TRIM66: variants seen among roughly 807,000 people sequenced by gnomAD.
TRIM66 encodes the protein tripartite motif-containing protein 66.
A neutral mutation model predicts 148.2 loss-of-function variants in TRIM66; 99 were observed. That is an observed-to-expected ratio of 0.67 (90% CI 0.57 to 0.79). The LOEUF is 0.79. TRIM66 is among the 30% of genes least tolerant of loss of function. The pLI is 0.00. For synonymous variants in TRIM66, 616 were observed against 635.9 expected, an observed-to-expected ratio of 0.97 and a Z score of 0.47; for missense variants, 1,666 against 1,697.9, an observed-to-expected ratio of 0.98 and a Z score of 0.33.
chr11:8,642,843 CAAAAAAAAAAAAA>C (rs60432547), intron 13 of TRIM66, among the ~76,000 whole-genome samples, 153 bp downstream of exon 13: 3 of 73,234 alleles, frequency 4.1e-5, no homozygotes, highest in South Asian at 7.0e-4. Flanking sequence ...TCTTCCCCCT[CAAAAAAAAAAAAA>C]AAAAAAAAAA....
intron 18 of TRIM66, among the ~76,000 whole-genome samples, chr11:8,622,281 A>G (rs745895480): frequency 1.3e-4 from 18 of 141,558 alleles, no homozygotes; most frequent in Non-Finnish European, 2.1e-4. Flanking sequence ...ATAAACTTCC[A>G]TATATATATG....
At chr11:8,667,073 C>T (rs1487800544) in intron 6 of TRIM66, among the ~76,000 whole-genome samples, 1 of 152,132 alleles carries the variant, frequency 6.6e-6, no homozygotes, top group Non-Finnish European at 1.5e-5. Flanking sequence ...CTGCCTTGGC[C>T]TCTCAAAGTG....
rs1342555852 is a variant in TRIM66 at position 8,671,577 on chromosome 11, C to A, written c.340+209G>T. On this transcript the variant is annotated intron_variant, in intron 6 of 24. Transcript: ENST00000646038. Reference sequence around the variant, plus strand: ...GCCACCAATTTAAGGAAATCCCAAACATGAAAAGTTCCAGCTTACAAAACA... The same window carrying A: ...GCCACCAATTTAAGGAAATCCCAAAAATGAAAAGTTCCAGCTTACAAAACA... Among the ~76,000 whole-genome samples the A allele has an allele frequency of 7.2e-5, 11 of 152,212 alleles. No homozygotes were observed. In the East Asian group the frequency reaches 2.1e-3, roughly 29 times the overall value.
rs1230597027 is a variant in TRIM66, at chr11:8,640,520, G to C, written c.1855C>G (p.Pro619Ala). The C allele has an allele frequency of 6.5e-7, 1 of 1,540,818 alleles. No individual in the cohort carries two copies. The highest frequency in any genetic ancestry group is 8.8e-7 in the Non-Finnish European group (1 of 1,142,766). The change falls in exon 14 of 25, where the codon CCC becomes GCC. Residue 619 changes from proline to alanine, a missense_variant. Around this residue, in one of 3 missense-constraint regions of TRIM66, gnomAD observed 1,431 missense variants for 1,412.4 expected, o/e 1.01. Transcript: ENST00000646038. ...LPHPPPPLPP[P>A]PQQPHPPLPP... ...AGAGGTGGGTGTGGCTGCTGTGGGG[G>C]AGGGGGAAGGGGAGGTGGGGGATGG...
At chr11:8,665,286 A>T (rs1191229814) in intron 6 of TRIM66, among the ~76,000 whole-genome samples, 2 of 152,216 alleles carry the variant, frequency 1.3e-5, no homozygotes, top group African/African-American at 4.8e-5. Flanking sequence ...GTATTTCACT[A>T]GGCTAGCCAG....
chr11:8,656,041 A>G (rs2037801977), intron 6 of TRIM66, among the ~76,000 whole-genome samples: 1 of 152,174 alleles, frequency 6.6e-6, no homozygotes, highest in African/African-American at 2.4e-5. Context: ...GTGGATCCAA[A>G]GGACATGCAC....
chr11:8,649,944 C>G lies in TRIM66; in HGVS notation c.445-57G>C, dbSNP rs138383360. 383 of 1,524,520 alleles carry G rather than the reference C, an allele frequency of 2.5e-4. No individual in the cohort carries two copies. In the African/African-American group the frequency reaches 4.7e-3, roughly 19 times the overall value. The allele number at this position is 1,524,520 out of a possible 1,614,324, so 94.4% of individuals were successfully genotyped here. ...TTATCCTCATTTGTGTCTGCCTCCA[C>G]AAGTGGTAAATGCTCTAAAGACAGG... On this transcript the variant is annotated intron_variant, in intron 7 of 24. Transcript: ENST00000646038.
chr11:8,634,016 G>T (rs1384455823), intron 15 of TRIM66, among the ~76,000 whole-genome samples: 1 of 152,062 alleles, frequency 6.6e-6, no homozygotes, highest in African/African-American at 2.4e-5. Context: ...ATACATCTCA[G>T]GCTCCTAAGC....
chr11:8,631,140 A>G (rs192566432), intron 15 of TRIM66, among the ~76,000 whole-genome samples: 153 of 152,336 alleles, frequency 1.0e-3, no homozygotes, highest in African/African-American at 3.6e-3. Context: ...CCAAGCTCAT[A>G]CAGGTCCAAG....
intron 6 of TRIM66, among the ~76,000 whole-genome samples, chr11:8,654,889 C>T (rs1423147238): frequency 2.0e-5 from 3 of 152,000 alleles, no homozygotes; most frequent in Admixed American, 2.0e-4. Flanking sequence ...GACGTGGAGT[C>T]TTGCTCTGTC....
chr11:8,660,864 T>C (rs1167805317), intron 6 of TRIM66, among the ~76,000 whole-genome samples: 1 of 152,184 alleles, frequency 6.6e-6, no homozygotes, highest in African/African-American at 2.4e-5. Flanking sequence ...AATGGAGAAT[T>C]ATAGATATGA....
chr11:8,660,135 C>T (rs2038147398), intron 6 of TRIM66, among the ~76,000 whole-genome samples: 3 of 152,178 alleles, frequency 2.0e-5, no homozygotes, highest in South Asian at 2.1e-4. Context: ...CCATATTCCA[C>T]TGATCAAAAA....
intron 6 of TRIM66, among the ~76,000 whole-genome samples, chr11:8,665,262 A>C (rs2038516609): frequency 6.6e-6 from 1 of 152,194 alleles, no homozygotes; most frequent in African/African-American, 2.4e-5. Flanking sequence ...CAGAAATCTA[A>C]GTTCAGGTAT....
chr11:8,646,645 T>C lies in TRIM66; in HGVS notation c.843-84A>G, dbSNP rs779879141. The stretch of plus-strand genomic sequence containing the variant: ...AGAGACAGCAAACATAAGAACCAAC[T>C]TGGAGGCTGCCTACTGAGATCAGGG... On this transcript the variant is annotated intron_variant, in intron 10 of 24. Transcript: ENST00000646038. 2.3e-5 allele frequency: 25 copies of C among 1,087,938 alleles called. 1 individual carries two copies. Among genetic ancestry groups the C allele is most frequent in the Non-Finnish European group, 2.9e-5 (21 of 727,292 alleles). 67.4% of individuals were successfully genotyped at this position (1,087,938 alleles called of 1,614,324 possible).
rs533985462 is a variant in TRIM66, at chr11:8,616,961, T to G, written c.*983A>C. The G allele has an allele frequency of 6.6e-6, 1 of 151,822 alleles. No homozygotes were observed. Among genetic ancestry groups the G allele is most frequent in the South Asian group, 2.1e-4 (1 of 4,796 alleles). 9.4% of individuals were successfully genotyped at this position (151,822 alleles called of 1,614,324 possible). A position where few individuals can be genotyped will look rare whatever the true frequency, so the allele number is the denominator to read the frequency against. On this transcript the variant is annotated 3_prime_UTR_variant, in exon 25 of 25. Coordinates refer to ENST00000646038, the MANE Select transcript of TRIM66 (RefSeq NM_001388022.1). Reference sequence around the variant, plus strand: ...AAGCAGGAGGAGAGGCCCAGAGGAGTGAGCTGGTTGTGGGTTACTCTCTCC... The same window carrying G: ...AAGCAGGAGGAGAGGCCCAGAGGAGGGAGCTGGTTGTGGGTTACTCTCTCC...
intron 7 of TRIM66, among the ~76,000 whole-genome samples, chr11:8,650,185 C>A (rs903283752): frequency 2.6e-5 from 4 of 152,032 alleles, no homozygotes; most frequent in African/African-American, 9.7e-5. Context: ...CTAGCCTGGG[C>A]AACATAGTGA....
intron 11 of TRIM66, 72 bp downstream of exon 11, chr11:8,646,375 T>C (rs2036847519): frequency 2.4e-6 from 3 of 1,263,464 alleles, no homozygotes; most frequent in Non-Finnish European, 3.4e-6. Flanking sequence ...TAGGCTTCCC[T>C]AGGTCCTGGG....
intron 6 of TRIM66, among the ~76,000 whole-genome samples, chr11:8,655,213 C>T (rs2037719964): frequency 6.6e-6 from 1 of 152,140 alleles, no homozygotes; most frequent in Non-Finnish European, 1.5e-5. Flanking sequence ...CTTGCACTCA[C>T]AGCACTGAAA....
intron 6 of TRIM66, among the ~76,000 whole-genome samples, chr11:8,667,644 T>C (rs767327395): frequency 6.6e-6 from 1 of 152,250 alleles, no homozygotes; most frequent in Admixed American, 6.5e-5. Flanking sequence ...GAACATCTCA[T>C]GTAACCAGAA....
Sources: gnomAD v4.1 joint callset for allele counts (sites outside exome capture counted in the v4.1 genomes callset) on GRCh38, gnomAD v4.1.1 for gene constraint, gnomAD v4.1.1 regional missense constraint, MANE v1.5 for transcripts, NCBI Gene and HGNC (gene_info 2026-07-23, HGNC 2026-07-21) for gene names.